RICTOR: variants seen among roughly 807,000 people sequenced by gnomAD.
RICTOR encodes the protein rapamycin-insensitive companion of mTOR.
In RICTOR, 49 loss-of-function variants were observed where a neutral mutation model predicts 214.9. That is an observed-to-expected ratio of 0.23 (90% CI 0.18 to 0.29). RICTOR has a LOEUF of 0.29. Among genes scored for constraint, RICTOR ranks in the 10% least tolerant of loss-of-function variants. The probability of loss-of-function intolerance (pLI) is 1.00; values close to 1 mark genes in which losing one functional copy is unlikely to be tolerated. For synonymous variants in RICTOR, 717 were observed against 711.3 expected (o/e 1.01, Z -0.13); for missense variants, 1,625 against 2,047.0 (o/e 0.79, Z 3.98).
intron 8 of RICTOR, among the ~76,000 whole-genome samples, chr5:38,979,817 GA>G (rs1341254413): frequency 6.6e-6 from 1 of 152,156 alleles, no homozygotes; most frequent in Non-Finnish European, 1.5e-5. Flanking sequence ...ATCAGTTTTA[GA>G]AACAAAGTTT....
chr5:38,958,917 C>T, intron 22 of RICTOR, 86 bp from the exon 23 acceptor site: 1 of 991,274 alleles, frequency 1.0e-6, no homozygotes, highest in African/African-American at 1.7e-5. Context: ...AGTCCTGCTA[C>T]TTGAAAAGGG....
intron 7 of RICTOR, among the ~76,000 whole-genome samples, chr5:38,982,578 T>C (rs973496283): frequency 6.6e-6 from 1 of 152,068 alleles, no homozygotes; most frequent in Non-Finnish European, 1.5e-5. Flanking sequence ...GGAAGCTGAG[T>C]TTTGTTAAGA....
rs1426973641 is a variant in RICTOR, at chr5:38,939,940, C to A, written c.*2364G>T. On this transcript the variant is annotated 3_prime_UTR_variant, in exon 38 of 38. Transcript: ENST00000357387. ...CACCATAAAGTCTACTTTTTACAAA[C>A]AAGTACTCAAAGAAAATGTATTAGA... 4.4e-6 allele frequency: 1 copy of A among 226,282 alleles called. No individual in the cohort carries two copies. The highest frequency in any genetic ancestry group is 2.2e-5 in the African/African-American group (1 of 44,802). 14.0% of individuals were successfully genotyped at this position (226,282 alleles called of 1,614,324 possible).
intron 20 of RICTOR, 82 bp downstream of exon 20, chr5:38,960,316 A>C: frequency 7.3e-7 from 1 of 1,373,152 alleles, no homozygotes. Flanking sequence ...TAAAAGCAAA[A>C]CACAAGGTGG....
intron 2 of RICTOR, among the ~76,000 whole-genome samples, chr5:39,034,774 G>A (rs183005846): frequency 0.012 from 1,788 of 152,178 alleles, 34 homozygotes; most frequent in African/African-American, 0.041. Flanking sequence ...GGGGAGGGGC[G>A]CCCGCCATTG....
intron 2 of RICTOR, among the ~76,000 whole-genome samples, chr5:39,025,751 T>C (rs1313722218): frequency 6.6e-6 from 1 of 152,200 alleles, no homozygotes; most frequent in African/African-American, 2.4e-5. Context: ...ATTCCACTTG[T>C]GAGGGCTTCA....
intron 27 of RICTOR, among the ~76,000 whole-genome samples, chr5:38,954,028 T>C (rs1012109260): frequency 4.0e-5 from 6 of 151,852 alleles, no homozygotes; most frequent in Admixed American, 3.9e-4. Context: ...AATGTTAATA[T>C]GAAAATACTT....
At chr5:39,031,208 C>T (rs978709555) in intron 2 of RICTOR, among the ~76,000 whole-genome samples, 26 of 152,138 alleles carry the variant, frequency 1.7e-4, no homozygotes, top group Admixed American at 6.5e-5. Context: ...ATGATTATTA[C>T]AGTTAATGAC....
chr5:39,071,150 A>T (rs539958508), intron 2 of RICTOR, among the ~76,000 whole-genome samples: 1 of 152,348 alleles, frequency 6.6e-6, no homozygotes, highest in African/African-American at 2.4e-5. Context: ...ATTAAATAGT[A>T]TGAAATGTCC....
rs1440400648 is a variant in RICTOR at position 38,959,819 on chromosome 5, G to A, written c.2011C>T (p.His671Tyr). The A allele has an allele frequency of 2.5e-6, 4 of 1,613,428 alleles. No individual in the cohort carries two copies. The highest frequency in any genetic ancestry group is 3.4e-6 in the Non-Finnish European group (4 of 1,179,650). The change falls in exon 21 of 38, where the codon CAT (histidine) becomes TAT (tyrosine). Residue 671 changes from histidine (H) to tyrosine (Y), a missense_variant. Around this residue, in one of 5 missense-constraint regions of RICTOR, gnomAD observed 1,214 missense variants for 1,470.5 expected, o/e 0.83. Coordinates refer to ENST00000357387, the MANE Select transcript of RICTOR (RefSeq NM_152756.5). ...CATTTTTCCAGCATTTTAACTCCAT[G>A]AGGGTGGCAAGAAAGTGTTCCAATA... ...LFIGTLSCHP[H>Y]GVKMLEKCSV...
At chr5:38,990,709 G>GATATATCTGATAT in intron 7 of RICTOR, among the ~76,000 whole-genome samples, 1 of 1,614 alleles carries the variant, frequency 6.2e-4, no homozygotes, top group African/African-American at 1.0e-3. Context: ...TATCAGATAT[G>GATATATCTGATAT]ATATATATGA....
chr5:39,006,657 A>C (rs968508357), intron 3 of RICTOR, among the ~76,000 whole-genome samples: 1 of 148,408 alleles, frequency 6.7e-6, no homozygotes, highest in African/African-American at 2.5e-5. Context: ...TTTCCTGTCC[A>C]ATTTTTTCTT....
At position 38,955,641 on chromosome 5, in the gene RICTOR, G is replaced by A. The variant is rs140964083; in HGVS notation, c.2563C>T (p.Arg855Trp). 21 of 1,610,834 alleles carry A rather than the reference G, an allele frequency of 1.3e-5. No individual in the cohort carries two copies. Among genetic ancestry groups the A allele is most frequent in the East Asian group, 2.2e-5 (1 of 44,846 alleles). ...EQLNEALTTY[R>W]KPVDGDNYVR... ...TAGTTATCACCATCAACAGGCTTCCGGTAAGTAGTAAGTGCTTCATTGAGT... is the reference window on the plus strand; with the variant it reads ...TAGTTATCACCATCAACAGGCTTCCAGTAAGTAGTAAGTGCTTCATTGAGT... The change falls in exon 26 of 38, where the codon CGG becomes TGG. Residue 855 changes from arginine to tryptophan, a missense_variant. This residue lies in a region of RICTOR where 1,214 missense variants were observed against 1,470.5 expected (regional missense o/e 0.83). Transcript: ENST00000357387.
intron 2 of RICTOR, among the ~76,000 whole-genome samples, chr5:39,046,830 AAAC>A (rs559023238): frequency 1.1e-3 from 167 of 152,322 alleles, no homozygotes; most frequent in African/African-American, 3.5e-3. Context: ...TTTTAAATGT[AAAC>A]AACAACAAAG....
At chr5:39,024,596 GA>G (rs1443725723) in intron 2 of RICTOR, among the ~76,000 whole-genome samples, 1 of 152,176 alleles carries the variant, frequency 6.6e-6, no homozygotes, top group Non-Finnish European at 1.5e-5. Flanking sequence ...GAGGTTCATA[GA>G]AGCTAGTGTG....
At chr5:39,034,877 C>G (rs1756553387) in intron 2 of RICTOR, among the ~76,000 whole-genome samples, 1 of 152,220 alleles carries the variant, frequency 6.6e-6, no homozygotes, top group Admixed American at 6.5e-5. Flanking sequence ...TCTGTAGGCT[C>G]CACCTCTGGG....
intron 2 of RICTOR, among the ~76,000 whole-genome samples, chr5:39,045,947 T>C (rs1237958428): frequency 1.3e-5 from 2 of 152,012 alleles, no homozygotes; most frequent in Non-Finnish European, 2.9e-5. Flanking sequence ...ATTCCACATC[T>C]TATCTTATTC....
intron 2 of RICTOR, among the ~76,000 whole-genome samples, chr5:39,043,114 T>G (rs1270447313): frequency 6.6e-6 from 1 of 152,132 alleles, no homozygotes; most frequent in African/African-American, 2.4e-5. Flanking sequence ...GCAATTCCAC[T>G]ACTAGGTATA....
intron 6 of RICTOR, among the ~76,000 whole-genome samples, chr5:38,992,344 T>C (rs1752849536): frequency 6.6e-6 from 1 of 152,146 alleles, no homozygotes. Context: ...TGTCGGTAAG[T>C]TCTTTTTTAA....
Sources: allele counts gnomAD v4.1 joint callset (sites outside exome capture counted in the v4.1 genomes callset), GRCh38; gene constraint gnomAD v4.1.1; regional missense constraint gnomAD v4.1.1; transcripts MANE v1.5; gene names NCBI Gene and HGNC (gene_info 2026-07-23, HGNC 2026-07-21).